Variants in MAP2K6 observed in about 807,000 individuals in gnomAD.
MAP2K6 encodes the protein dual specificity mitogen-activated protein kinase kinase 6.
MAP2K6 carries 16 observed loss-of-function variants against 53.7 expected under a neutral mutation model. That is an observed-to-expected ratio of 0.30 (90% CI 0.20 to 0.45). The LOEUF is 0.45. MAP2K6 is among the 20% of genes least tolerant of loss of function. The pLI, the probability that MAP2K6 is intolerant of heterozygous loss-of-function variation, is 1.00. For synonymous variants in MAP2K6, 132 were observed against 143.1 expected, an observed-to-expected ratio of 0.92 and a Z score of 0.55; for missense variants, 204 against 411.9, an observed-to-expected ratio of 0.50 and a Z score of 4.37.
At chr17:69,524,610 G>T (rs1224128419) in intron 8 of MAP2K6, among the ~76,000 whole-genome samples, 1 of 152,084 alleles carries the variant, frequency 6.6e-6, no homozygotes, top group African/African-American at 2.4e-5. Flanking sequence ...GATGGGCAAA[G>T]TAGCTTTATA....
intron 1 of MAP2K6, among the ~76,000 whole-genome samples, chr17:69,423,513 G>T (rs897607734): frequency 2.6e-5 from 4 of 152,114 alleles, no homozygotes; most frequent in African/African-American, 9.7e-5. Context: ...GAATACTGGG[G>T]TCTCTTCATG....
intron 10 of MAP2K6, among the ~76,000 whole-genome samples, chr17:69,527,323 C>A (rs543918420): frequency 6.6e-6 from 1 of 152,268 alleles, no homozygotes; most frequent in South Asian, 2.1e-4. Context: ...TGAATACTTG[C>A]TAACTGTGGA....
chr17:69,539,757 T>G (rs1270166246), intron 11 of MAP2K6, among the ~76,000 whole-genome samples: 4 of 152,294 alleles, frequency 2.6e-5, no homozygotes, highest in African/African-American at 9.6e-5. Flanking sequence ...AATCTGAGGT[T>G]TGGCATGTCC....
At position 69,494,498 on chromosome 17, in the gene MAP2K6, TA is replaced by T. The variant is rs112816191; in HGVS notation, c.17-11271del. On this transcript the variant is annotated intron_variant, in intron 1 of 11. Coordinates refer to ENST00000590474, the MANE Select transcript of MAP2K6 (RefSeq NM_002758.4). The surrounding 1 kb of genome is among the most constrained non-coding windows in gnomAD (Gnocchi z 4.2). ...GGGTGACAAAGTGAGACTCTGTCTT[TA>T]AAAAAAAAAAGAAAGGAAAAAACAA... Among the ~76,000 whole-genome samples, 81 of 142,890 alleles carry T rather than the reference TA, an allele frequency of 5.7e-4. No individual in the cohort carries two copies. Among genetic ancestry groups the T allele is most frequent in the Non-Finnish European group, 4.3e-4 (28 of 64,806 alleles). The allele number at this position is 142,890 out of a possible 152,430, so 93.7% of individuals were successfully genotyped here. A position where few individuals can be genotyped will look rare whatever the true frequency, so the allele number is the denominator to read the frequency against.
chr17:69,528,422 G>T (rs1910896408), intron 10 of MAP2K6, among the ~76,000 whole-genome samples: 1 of 152,184 alleles, frequency 6.6e-6, no homozygotes, highest in African/African-American at 2.4e-5. Flanking sequence ...GAGTGTGCTG[G>T]ATGTGGTAGT....
chr17:69,530,607 T>G (rs1191803481), intron 10 of MAP2K6, among the ~76,000 whole-genome samples: 2 of 152,194 alleles, frequency 1.3e-5, no homozygotes, highest in Admixed American at 1.3e-4. Context: ...ATGCAAGCTC[T>G]CCTATTTCAG....
chr17:69,520,746 A>G, intron 6 of MAP2K6: 1 of 388,190 alleles, frequency 2.6e-6, no homozygotes, highest in Non-Finnish European at 4.6e-6. Flanking sequence ...AGGAAAATAA[A>G]TAGAAAGAAG....
chr17:69,517,646 C>T (rs1910230729), intron 4 of MAP2K6, 33 bp downstream of exon 4: 2 of 1,489,794 alleles, frequency 1.3e-6, no homozygotes, highest in Admixed American at 1.9e-5. Flanking sequence ...TGTTTTATAT[C>T]TGCTGTGTAT....
Position 69,536,170 on chromosome 17 carries a change from G to T in MAP2K6, c.927+10G>T, listed in dbSNP as rs770426937. ...ATACCCAGAGCTAATGGTGAGTATT[G>T]TTAGCAACGTAAACATGACTATACT... On this transcript the variant is annotated intron_variant, in intron 11 of 11. Transcript: ENST00000590474. The T allele has an allele frequency of 1.9e-6, 3 of 1,607,560 alleles. No homozygotes were observed. The highest frequency in any genetic ancestry group is 2.6e-6 in the Non-Finnish European group (3 of 1,175,864).
intron 1 of MAP2K6, among the ~76,000 whole-genome samples, chr17:69,459,978 T>TTCCC (rs1053272719): frequency 9.3e-5 from 14 of 150,346 alleles, no homozygotes; most frequent in South Asian, 4.3e-4. Context: ...GCCTTCCACC[T>TTCCC]TCCCTCCCTC....
intron 1 of MAP2K6, among the ~76,000 whole-genome samples, chr17:69,420,751 A>C (rs926355690): frequency 4.6e-5 from 7 of 151,874 alleles, no homozygotes; most frequent in Non-Finnish European, 8.8e-5. Flanking sequence ...TTTTTTCTTC[A>C]GAATCTTTAG....
chr17:69,545,119 C>T lies in MAP2K6; in HGVS notation c.*3366C>T, dbSNP rs1335004933. The T allele has an allele frequency of 6.6e-6, 1 of 152,136 alleles. No homozygotes were observed. The highest frequency in any genetic ancestry group is 6.5e-5 in the Admixed American group (1 of 15,276). 9.4% of individuals were successfully genotyped at this position (152,136 alleles called of 1,614,324 possible). The stretch of plus-strand genomic sequence containing the variant: ...TTTGTAAAACGCCATGTCATGGGCT[C>T]TGAAGATAATTTCAAATGAAGATTT... On this transcript the variant is annotated 3_prime_UTR_variant, in exon 12 of 12. Transcript: ENST00000590474.
intron 1 of MAP2K6, among the ~76,000 whole-genome samples, chr17:69,455,146 A>G (rs1907362690): frequency 6.6e-6 from 1 of 151,858 alleles, no homozygotes; most frequent in Non-Finnish European, 1.5e-5. Context: ...GCTCCATTAT[A>G]TTGGAGATAT....
chr17:69,479,384 G>T (rs183204586), intron 1 of MAP2K6, among the ~76,000 whole-genome samples: 9 of 152,110 alleles, frequency 5.9e-5, no homozygotes, highest in Admixed American at 2.0e-4. Flanking sequence ...TTTGCTTCAG[G>T]TGCAAAATTA....
chr17:69,549,296 A>G lies in MAP2K6; in HGVS notation c.*7543A>G, dbSNP rs891736109. The G allele has an allele frequency of 1.3e-5, 2 of 152,130 alleles. No homozygotes were observed. Among genetic ancestry groups the G allele is most frequent in the African/African-American group, 4.8e-5 (2 of 41,448 alleles). The allele number at this position is 152,130 out of a possible 1,614,324, so 9.4% of individuals were successfully genotyped here. On this transcript the variant is annotated 3_prime_UTR_variant, in exon 12 of 12. Transcript: ENST00000590474. ...GATTCAGGGTCTTTTTCAAGGAAGG[A>G]GGCTAATGTTTAAGGCCTGGAGGCT...
At chr17:69,426,930 G>A (rs1035577992) in intron 1 of MAP2K6, among the ~76,000 whole-genome samples, 1 of 152,100 alleles carries the variant, frequency 6.6e-6, no homozygotes, top group Admixed American at 6.5e-5. Flanking sequence ...TGCAATAGGT[G>A]AATAAATGGA....
At chr17:69,455,861 T>G (rs960132006) in intron 1 of MAP2K6, among the ~76,000 whole-genome samples, 1 of 145,846 alleles carries the variant, frequency 6.9e-6, no homozygotes, top group Non-Finnish European at 1.5e-5. Context: ...GTTTTTTTTT[T>G]TTTTTTTTTT....
intron 1 of MAP2K6, among the ~76,000 whole-genome samples, chr17:69,503,892 T>A (rs539516493): frequency 6.6e-6 from 1 of 152,222 alleles, no homozygotes; most frequent in Non-Finnish European, 1.5e-5. Flanking sequence ...GAGAGTCAGA[T>A]GAAAAGTGAT....
chr17:69,485,662 C>T (rs1388805320), intron 1 of MAP2K6, among the ~76,000 whole-genome samples: 1 of 152,150 alleles, frequency 6.6e-6, no homozygotes, highest in African/African-American at 2.4e-5. Context: ...TTCTGTTTGT[C>T]ACCCGCTTTT....
Sources: allele counts gnomAD v4.1 joint callset (sites outside exome capture counted in the v4.1 genomes callset), GRCh38; gene constraint gnomAD v4.1.1; non-coding constraint Gnocchi (gnomAD v3.1); transcripts MANE v1.5; gene names NCBI Gene and HGNC (gene_info 2026-07-23, HGNC 2026-07-21).